The following PICK1 variants were observed in gnomAD, a reference collection of about 807,000 sequenced individuals.
PICK1 encodes the protein protein interacting with PRKCA 1.
Under a neutral mutation model 48.9 loss-of-function variants are expected in PICK1, and 23 were observed. The observed-to-expected ratio is 0.47, with a 90% CI of 0.34 to 0.67. The LOEUF is 0.67. PICK1 is among the 30% of genes least tolerant of loss of function. PICK1 has a pLI of 0.01. For missense variants in PICK1, 423 were observed against 557.1 expected (o/e 0.76, Z 2.42); for synonymous variants, 217 against 228.2 (o/e 0.95, Z 0.44).
rs142454217 is a variant in PICK1, at chr22:38,067,076, C to T, written c.283-628C>T. ...GAATAATCAGTGTAGGGAAATGACA[C>T]GGCAAAGGCTTGGAGTGTGGTTTGC... On this transcript the variant is annotated intron_variant, in intron 4 of 12. Coordinates refer to ENST00000356976, the MANE Select transcript of PICK1 (RefSeq NM_012407.4). Among the ~76,000 whole-genome samples the T allele has an allele frequency of 3.7e-3, 559 of 151,956 alleles. 5 individuals are homozygous for T. The highest frequency in any genetic ancestry group is 0.013 in the African/African-American group (525 of 41,440).
At chr22:38,058,733 G>A (rs1298927200) in intron 2 of PICK1, among the ~76,000 whole-genome samples, 2 of 152,076 alleles carry the variant, frequency 1.3e-5, no homozygotes, top group African/African-American at 2.4e-5. Context: ...GGCCAGGCAC[G>A]GTGGCTCACG....
intron 4 of PICK1, chr22:38,067,452 G>A: frequency 2.3e-6 from 1 of 426,252 alleles, no homozygotes; most frequent in Admixed American, 3.0e-5. Context: ...GGGATTACAG[G>A]CACGCGCCAC....
Position 38,066,607 on chromosome 22 carries a change from C to T in PICK1, c.283-1097C>T, listed in dbSNP as rs926161467. Among the ~76,000 whole-genome samples, 2 of 152,312 alleles carry T rather than the reference C, an allele frequency of 1.3e-5. No homozygotes were observed. The highest frequency in any genetic ancestry group is 4.8e-5 in the African/African-American group (2 of 41,560). ...CCCGGGCCCGACTCCCACTGCAGCC[C>T]GCTTGCCGTTGGCCTACAGCTGCTC... On this transcript the variant is annotated intron_variant, in intron 4 of 12. Transcript: ENST00000356976. The surrounding 1 kb of genome is among the most constrained non-coding windows in gnomAD (Gnocchi z 4.1).
chr22:38,064,480 C>T (rs1021974554), intron 3 of PICK1, among the ~76,000 whole-genome samples: 9 of 152,016 alleles, frequency 5.9e-5, no homozygotes, highest in South Asian at 2.1e-4. Context: ...CATTTGATGC[C>T]GCCGGGCACG....
At chr22:38,064,908 G>A in intron 3 of PICK1, 94 bp from the exon 4 acceptor site, 1 of 1,447,142 alleles carries the variant, frequency 6.9e-7, no homozygotes, top group South Asian at 1.1e-5. Context: ...AGAGGGTAGA[G>A]TGGAAGACAG....
intron 6 of PICK1, 111 bp from the exon 7 acceptor site, chr22:38,070,727 T>G (rs1388024971): frequency 4.4e-6 from 4 of 910,010 alleles, no homozygotes; most frequent in Non-Finnish European, 5.5e-6. Flanking sequence ...ACCCCTGATC[T>G]TTCCCTTCCT....
chr22:38,057,660 C>A, intron 1 of PICK1, 73 bp downstream of exon 1: 1 of 595,200 alleles, frequency 1.7e-6, no homozygotes, highest in Non-Finnish European at 2.9e-6. Flanking sequence ...GAGGGCACTG[C>A]TGTCCCGTAT....
Position 38,059,278 on chromosome 22 carries a change from C to T in PICK1, c.86C>T (p.Ala29Val), listed in dbSNP as rs1376915390. The T allele has an allele frequency of 1.3e-6, 2 of 1,584,016 alleles. No individual in the cohort carries two copies. The highest frequency in any genetic ancestry group is 1.7e-6 in the Non-Finnish European group (2 of 1,164,438). ...GGGAAGGTGACCCTGCAGAAGGATG[C>T]TCAGAACCTGATCGGGATCAGCATT... The part of the protein sequence containing the change: ...VPGKVTLQKD[A>V]QNLIGISIGG... The change falls in exon 3 of 13, where the codon GCT (alanine) becomes GTT (valine). Residue 29 changes from alanine to valine, a missense_variant. Physicochemically the swap from Ala to Val is moderately conservative, Grantham distance 64 (BLOSUM62 0). This residue lies in a region of PICK1 where 279 missense variants were observed against 417.8 expected (regional missense o/e 0.67). Coordinates refer to ENST00000356976, the MANE Select transcript of PICK1 (RefSeq NM_012407.4).
At chr22:38,070,456 A>C (rs1305234434) in intron 6 of PICK1, among the ~76,000 whole-genome samples, 1 of 151,950 alleles carries the variant, frequency 6.6e-6, no homozygotes, top group Non-Finnish European at 1.5e-5. Flanking sequence ...TCCCTCCCCA[A>C]GTTGCGTTTT....
chr22:38,063,061 T>A (rs1394421825), intron 3 of PICK1, among the ~76,000 whole-genome samples: 1 of 152,206 alleles, frequency 6.6e-6, no homozygotes, highest in Non-Finnish European at 1.5e-5. Context: ...GGGAACACCA[T>A]GTCCTTCTTG....
chr22:38,062,371 C>T (rs1392867671), intron 3 of PICK1, among the ~76,000 whole-genome samples: 6 of 152,056 alleles, frequency 3.9e-5, no homozygotes, highest in East Asian at 1.9e-4. Flanking sequence ...CCTCAGCCTC[C>T]GAAGTAGCTG....
At chr22:38,062,525 G>A (rs2085428310) in intron 3 of PICK1, among the ~76,000 whole-genome samples, 1 of 152,172 alleles carries the variant, frequency 6.6e-6, no homozygotes, top group South Asian at 2.1e-4. Flanking sequence ...TGGGATTACA[G>A]GCGTGAGCCA....
chr22:38,060,392 T>G (rs2085370633), intron 3 of PICK1, among the ~76,000 whole-genome samples: 1 of 152,230 alleles, frequency 6.6e-6, no homozygotes, highest in East Asian at 1.9e-4. Context: ...AGGCCTGCTG[T>G]GGGGCCTCCT....
At chr22:38,068,131 A>T (rs2085577691) in intron 5 of PICK1, 1 of 479,628 alleles carries the variant, frequency 2.1e-6, no homozygotes, top group Admixed American at 2.3e-5. Flanking sequence ...GAGCAGCCTA[A>T]CCCTGGCCTG....
intron 4 of PICK1, among the ~76,000 whole-genome samples, chr22:38,065,482 T>C (rs1324920870): frequency 6.6e-6 from 1 of 152,110 alleles, no homozygotes; most frequent in Non-Finnish European, 1.5e-5. Context: ...AAGGTGATCC[T>C]CCCTGGGTCA....
Position 38,059,339 on chromosome 22 carries a change from C to T in PICK1, c.147C>T (p.Ile49=), listed in dbSNP as rs1220857860. ...GGAQYCPCLY[I]VQVFDNTPAA... ...CCCAGTACTGTCCCTGCCTCTATAT[C>T]GTCCAGGTATTGGGCGCTTTGGAGG... Residue 49 remains isoleucine (I), a synonymous_variant, in exon 3 of 13, where the codon ATC becomes ATT. Coordinates refer to ENST00000356976, the MANE Select transcript of PICK1 (RefSeq NM_012407.4). 8 of 1,555,254 alleles carry T rather than the reference C, an allele frequency of 5.1e-6. No individual in the cohort carries two copies. Among genetic ancestry groups the T allele is most frequent in the Middle Eastern group, 1.7e-4 (1 of 6,008 alleles).
intron 5 of PICK1, 135 bp from the exon 6 acceptor site, chr22:38,068,898 A>G: frequency 1.4e-6 from 1 of 740,306 alleles, no homozygotes; most frequent in South Asian, 1.5e-5. Flanking sequence ...CCCACTGGAC[A>G]TTCCCCACTT....
At chr22:38,072,851 TCTC>T (rs2085735935) in intron 9 of PICK1, 146 bp from the exon 10 acceptor site, 1 of 830,418 alleles carries the variant, frequency 1.2e-6, no homozygotes. Flanking sequence ...GCACTAGTCT[TCTC>T]ATCCTTGAGA....
At chr22:38,061,507 T>C (rs531722428) in intron 3 of PICK1, among the ~76,000 whole-genome samples, 1 of 152,214 alleles carries the variant, frequency 6.6e-6, no homozygotes, top group Admixed American at 6.5e-5. Context: ...CCCGGCTTTC[T>C]CTGTCTCTTC....
Sources: allele counts gnomAD v4.1 joint callset (sites outside exome capture counted in the v4.1 genomes callset), GRCh38; gene constraint gnomAD v4.1.1; regional missense constraint gnomAD v4.1.1; non-coding constraint Gnocchi (gnomAD v3.1); transcripts MANE v1.5; gene names NCBI Gene and HGNC (gene_info 2026-07-23, HGNC 2026-07-21).